The following CHGB variants were observed in gnomAD, a reference collection of about 807,000 sequenced individuals.
CHGB encodes the protein secretogranin-1.
A neutral mutation model predicts 69.9 loss-of-function variants in CHGB; 46 were observed. That is an observed-to-expected ratio of 0.66 (90% CI 0.52 to 0.84). CHGB has a LOEUF of 0.84. Ranked by LOEUF, CHGB falls within the 40% of genes least tolerant of loss-of-function variation. The pLI, the probability that CHGB is intolerant of heterozygous loss-of-function variation, is 0.00. For missense variants in CHGB, 796 were observed against 822.2 expected (o/e 0.97, Z 0.39); for synonymous variants, 312 against 298.2 (o/e 1.05, Z -0.48).
intron 1 of CHGB, among the ~76,000 whole-genome samples, chr20:5,914,093 C>T (rs2088462209): frequency 6.6e-6 from 1 of 152,126 alleles, no homozygotes; most frequent in Non-Finnish European, 1.5e-5. Flanking sequence ...GATTGCTTTA[C>T]TTTTAACACG....
chr20:5,919,486 A>T (rs1378755238), intron 3 of CHGB, among the ~76,000 whole-genome samples: 1 of 152,226 alleles, frequency 6.6e-6, no homozygotes, highest in Non-Finnish European at 1.5e-5. Context: ...ACTGGAGGGC[A>T]CATGCCTTTT....
At chr20:5,921,561 T>C (rs539613205) in intron 3 of CHGB, among the ~76,000 whole-genome samples, 1 of 152,368 alleles carries the variant, frequency 6.6e-6, no homozygotes, top group East Asian at 1.9e-4. Flanking sequence ...ATATCAGTTA[T>C]ACCATGTACT....
intron 4 of CHGB, 73 bp downstream of exon 4, chr20:5,924,173 A>G: frequency 6.9e-7 from 1 of 1,456,140 alleles, no homozygotes; most frequent in Non-Finnish European, 9.1e-7. Flanking sequence ...AGACTATCCG[A>G]TATTCACGGG....
In CHGB at chr20:5,922,499, G is replaced by C. The variant is rs773068018; in HGVS notation, c.355G>C (p.Asp119His). 3 of 1,613,300 alleles carry C rather than the reference G, an allele frequency of 1.9e-6. No individual in the cohort carries two copies. Among genetic ancestry groups the C allele is most frequent in the Non-Finnish European group, 2.5e-6 (3 of 1,179,492 alleles). The change falls in exon 4 of 5, where the codon GAC (aspartate) becomes CAC (histidine). Residue 119 changes from aspartate (D) to histidine (H), a missense_variant. Transcript: ENST00000378961. ...EEDIQGPTKA[D>H]TEKWAEGGGH... ...GGACATCCAAGGCCCAACAAAGGCA[G>C]ACACAGAGAAATGGGCAGAGGGAGG...
rs764963624 is a variant in CHGB, at chr20:5,922,627, G to C, written c.483G>C (p.Gln161His). The C allele has an allele frequency of 1.2e-6, 2 of 1,614,180 alleles. No homozygotes were observed. The highest frequency in any genetic ancestry group is 1.7e-6 in the Non-Finnish European group (2 of 1,180,030). The change falls in exon 4 of 5, where the codon CAG becomes CAC. Residue 161 changes from glutamine to histidine, a missense_variant. Coordinates refer to ENST00000378961, the MANE Select transcript of CHGB (RefSeq NM_001819.3). ...AGACACGCCATTCTGAGAAGAGCCA[G>C]AGAGAGGATGAGGAGGAGGAGGAGG... The part of the protein sequence containing the change: ...EVKTRHSEKS[Q>H]REDEEEEEGE...
rs1320970201 is a variant in CHGB at position 5,916,498 on chromosome 20, A to G, written c.96+126A>G. ...ACAAAGCCAGGTTTTCATTGCTGAC[A>G]GAATGTGAGCAAGGGATGCCCCTCC... On this transcript the variant is annotated intron_variant, in intron 2 of 4. Transcript: ENST00000378961. 7.0e-6 allele frequency: 6 copies of G among 861,258 alleles called. No individual in the cohort carries two copies. The South Asian group carries it at 9.8e-5, about 14-fold the overall frequency. 53.4% of individuals were successfully genotyped at this position (861,258 alleles called of 1,614,324 possible).
intron 1 of CHGB, among the ~76,000 whole-genome samples, chr20:5,915,298 GT>G (rs1464135163): frequency 6.6e-6 from 1 of 152,166 alleles, no homozygotes; most frequent in African/African-American, 2.4e-5. Context: ...TTCAAACACT[GT>G]TTTAAGATAG....
intron 4 of CHGB, 93 bp downstream of exon 4, chr20:5,924,193 G>C: frequency 6.9e-7 from 1 of 1,445,056 alleles, no homozygotes; most frequent in Non-Finnish European, 9.1e-7. Flanking sequence ...GGAGAAATTG[G>C]TGGGAATTAA....
Position 5,922,423 on chromosome 20 carries a change from G to A in CHGB, c.279G>A (p.Ser93=), listed in dbSNP as rs138069166. The A allele has an allele frequency of 6.2e-3, 9,963 of 1,610,540 alleles. 38 individuals are homozygous for A. Among genetic ancestry groups the A allele is most frequent in the Non-Finnish European group, 7.5e-3 (8,868 of 1,176,964 alleles). The change falls in exon 4 of 5, where the codon TCG becomes TCA. Residue 93 remains serine, a synonymous_variant. Coordinates refer to ENST00000378961, the MANE Select transcript of CHGB (RefSeq NM_001819.3). ...VRLLRDPADA[S]EAHESSSRGE... ...TGTTAAGAGACCCAGCTGATGCCTCGGAAGCCCACGAGTCCTCCAGCAGGG... is the reference window on the plus strand; with the variant it reads ...TGTTAAGAGACCCAGCTGATGCCTCAGAAGCCCACGAGTCCTCCAGCAGGG...
At chr20:5,915,757 C>T (rs1429535976) in intron 1 of CHGB, 1 of 152,214 alleles carries the variant, frequency 6.6e-6, no homozygotes, top group Non-Finnish European at 1.5e-5. Flanking sequence ...GAGTCTGGCC[C>T]TGTCACCCAG....
At position 5,916,815 on chromosome 20, in the gene CHGB, T is replaced by C. The variant is rs765342480; in HGVS notation, c.97-11T>C. The C allele has an allele frequency of 4.3e-6, 7 of 1,614,032 alleles. No individual in the cohort carries two copies. The highest frequency in any genetic ancestry group is 5.9e-6 in the Non-Finnish European group (7 of 1,179,890). ...CCAGCTTCTCCAACCTGCTTTCGGG[T>C]TTCCCCCCAGGTGACTCGCTGCATC... is the stretch of plus-strand genomic sequence containing the variant. On this transcript the variant is annotated splice_polypyrimidine_tract_variant and intron_variant, in intron 2 of 4. Transcript: ENST00000378961.
At chr20:5,917,019 G>A in intron 3 of CHGB, 100 bp downstream of exon 3, 2 of 1,071,030 alleles carry the variant, frequency 1.9e-6, no homozygotes, top group Non-Finnish European at 2.9e-6. Context: ...TGACCTGGGG[G>A]CATAATGCAC....
chr20:5,924,876 C>A lies in CHGB; in HGVS notation c.1957-96C>A, dbSNP rs773535285. ...GTAGGTTGACTAATGCAGCTTCTAA[C>A]ATGCCTAAAATTCCCCTTTGCACTC... On this transcript the variant is annotated intron_variant, in intron 4 of 4. Coordinates refer to ENST00000378961, the MANE Select transcript of CHGB (RefSeq NM_001819.3). 5.4e-5 allele frequency: 37 copies of A among 689,776 alleles called. 1 individual carries two copies. Among genetic ancestry groups the A allele is most frequent in the Non-Finnish European group, 9.0e-5 (35 of 390,320 alleles). The allele number at this position is 689,776 out of a possible 1,614,324, so 42.7% of individuals were successfully genotyped here.
At chr20:5,913,419 G>A (rs1393419568) in intron 1 of CHGB, among the ~76,000 whole-genome samples, 2 of 151,992 alleles carry the variant, frequency 1.3e-5, no homozygotes, top group Non-Finnish European at 2.9e-5. Context: ...AGTAGAGCTG[G>A]TAATTTGCAA....
intron 3 of CHGB, among the ~76,000 whole-genome samples, chr20:5,920,476 C>T (rs1280641330): frequency 6.6e-6 from 1 of 152,144 alleles, no homozygotes; most frequent in Non-Finnish European, 1.5e-5. Flanking sequence ...TTATGAGGGC[C>T]CACTTCCTGG....
At position 5,923,210 on chromosome 20, in the gene CHGB, G is replaced by A; in HGVS notation, c.1066G>A (p.Asp356Asn). 4 of 1,613,806 alleles carry A rather than the reference G, an allele frequency of 2.5e-6. No homozygotes were observed. The highest frequency in any genetic ancestry group is 3.4e-6 in the Non-Finnish European group (4 of 1,179,822). The change falls in exon 4 of 5, where the codon GAC becomes AAC. Residue 356 changes from aspartate to asparagine, a missense_variant. Coordinates refer to ENST00000378961, the MANE Select transcript of CHGB (RefSeq NM_001819.3). ...TTATCCAGGCGTCCAGGCCCCTGAG[G>A]ACCTGGAGTGGGAGCGCTATAGGGG... ...KGYPGVQAPE[D>N]LEWERYRGRG...
intron 1 of CHGB, among the ~76,000 whole-genome samples, chr20:5,913,849 C>T (rs2088460753): frequency 6.6e-6 from 1 of 151,920 alleles, no homozygotes; most frequent in Non-Finnish European, 1.5e-5. Context: ...CCAGGCTGGT[C>T]TCGAACTCCT....
chr20:5,924,079 G>C lies in CHGB; in HGVS notation c.1935G>C (p.Gln645His). The C allele has an allele frequency of 6.2e-7, 1 of 1,610,196 alleles. No individual in the cohort carries two copies. Among genetic ancestry groups the C allele is most frequent in the Non-Finnish European group, 8.5e-7 (1 of 1,177,984 alleles). Residue 645 changes from glutamine to histidine, a missense_variant, in exon 4 of 5, where the codon CAG becomes CAC. By Grantham distance (24) the Gln-to-His change is conservative. Coordinates refer to ENST00000378961, the MANE Select transcript of CHGB (RefSeq NM_001819.3). ...AAAATGAAAAGGACAGGGCTGACCA[G>C]ACAGTCCTGACAGAGGACGAGGTAT... ...EAENEKDRAD[Q>H]TVLTEDEKKE...
chr20:5,912,495 A>C (rs2088452412), intron 1 of CHGB, among the ~76,000 whole-genome samples: 1 of 152,190 alleles, frequency 6.6e-6, no homozygotes, highest in Non-Finnish European at 1.5e-5. Context: ...GTAAAAAAAA[A>C]AATGTTTTAG....
Sources: allele counts gnomAD v4.1 joint callset (sites outside exome capture counted in the v4.1 genomes callset), GRCh38; gene constraint gnomAD v4.1.1; transcripts MANE v1.5; gene names NCBI Gene and HGNC (gene_info 2026-07-23, HGNC 2026-07-21).